Variants in CLDN1 observed in about 807,000 individuals in gnomAD.
CLDN1 encodes the protein claudin 1.
Under a neutral mutation model 22.6 loss-of-function variants are expected in CLDN1, and 12 were observed. The observed-to-expected ratio is 0.53, with a 90% CI of 0.34 to 0.86. The LOEUF (loss-of-function observed/expected upper bound fraction) is 0.86. CLDN1 is among the 40% of genes least tolerant of loss of function. The pLI, the probability that CLDN1 is intolerant of heterozygous loss-of-function variation, is 0.02. For synonymous variants in CLDN1, 99 were observed against 103.8 expected, an observed-to-expected ratio of 0.95 and a Z score of 0.28; for missense variants, 250 against 269.5, an observed-to-expected ratio of 0.93 and a Z score of 0.51.
chr3:190,312,889 G>A lies in CLDN1; in HGVS notation c.371C>T (p.Ala124Val), dbSNP rs373516096. The change falls in exon 2 of 4, where the codon GCG (alanine) becomes GTG (valine). Residue 124 changes from alanine to valine, a missense_variant. Transcript: ENST00000295522. ...QKMRMAVIGG[A>V]IFLLAGLAIL... ...TCTATTACCTGCAAGAAGAAATATC[G>A]CACCCCCAATGACAGCCATCCTCAT... 1.2e-4 allele frequency: 201 copies of A among 1,614,036 alleles called. No individual in the cohort carries two copies. Among genetic ancestry groups the A allele is most frequent in the African/African-American group, 2.0e-4 (15 of 75,010 alleles).
At chr3:190,321,243 T>C (rs1016919317) in intron 1 of CLDN1, among the ~76,000 whole-genome samples, 2 of 152,212 alleles carry the variant, frequency 1.3e-5, no homozygotes, top group Admixed American at 6.5e-5. Context: ...GCAGGTTATT[T>C]AGAACCTTTC....
intron 1 of CLDN1, among the ~76,000 whole-genome samples, chr3:190,316,459 C>A (rs1477495501): frequency 1.3e-5 from 2 of 152,104 alleles, no homozygotes; most frequent in Non-Finnish European, 2.9e-5. Flanking sequence ...TAAAACAGCA[C>A]GAAAACTCAC....
Position 190,322,441 on chromosome 3 carries a change from TGA to T in CLDN1, c.-237_-236del, listed in dbSNP as rs1157664010. The T allele has an allele frequency of 1.8e-6, 1 of 569,182 alleles. No individual in the cohort carries two copies. The highest frequency in any genetic ancestry group is 1.9e-5 in the African/African-American group (1 of 53,110). The allele number at this position is 569,182 out of a possible 1,614,324, so 35.3% of individuals were successfully genotyped here. ...TGCGGTTGCTCCCAGGCTCGGGAACTGAGACGCAGAACCGCTGGGCGCCGCGA... is the reference window on the plus strand; with the variant it reads ...TGCGGTTGCTCCCAGGCTCGGGAACTGACGCAGAACCGCTGGGCGCCGCGA... On this transcript the variant is annotated 5_prime_UTR_variant, in exon 1 of 4. Coordinates refer to ENST00000295522, the MANE Select transcript of CLDN1 (RefSeq NM_021101.5).
At chr3:190,318,975 G>T (rs1391468316) in intron 1 of CLDN1, among the ~76,000 whole-genome samples, 1 of 152,086 alleles carries the variant, frequency 6.6e-6, no homozygotes, top group Non-Finnish European at 1.5e-5. Context: ...GAATCTCAGG[G>T]TTCGGTGAGA....
In CLDN1 at chr3:190,310,194, C is replaced by G; in HGVS notation, c.448G>C (p.Asp150His). 6.2e-7 allele frequency: 1 copy of G among 1,613,774 alleles called. No homozygotes were observed. Among genetic ancestry groups the G allele is most frequent in the Non-Finnish European group, 8.5e-7 (1 of 1,179,732 alleles). ...CTGGCATTGACTGGGGTCATAGGGTCATAGAATTCTTGAACGATTCTATTG... is the reference window on the plus strand; with the variant it reads ...CTGGCATTGACTGGGGTCATAGGGTGATAGAATTCTTGAACGATTCTATTG... The part of the protein sequence containing the change: ...YGNRIVQEFY[D>H]PMTPVNARYE... The change falls in exon 3 of 4, where the codon GAC becomes CAC. Residue 150 changes from aspartate (D) to histidine (H), a missense_variant. By Grantham distance (81) the Asp-to-His change is moderately conservative. Transcript: ENST00000295522.
intron 3 of CLDN1, 149 bp downstream of exon 3, chr3:190,310,020 A>G (rs1221766450): frequency 1.4e-5 from 10 of 702,276 alleles, no homozygotes; most frequent in Non-Finnish European, 2.3e-5. Context: ...TCATTTTGAC[A>G]TAAGTCAGAG....
At chr3:190,321,094 G>C (rs558033917) in intron 1 of CLDN1, among the ~76,000 whole-genome samples, 2 of 152,286 alleles carry the variant, frequency 1.3e-5, no homozygotes, top group South Asian at 4.1e-4. Context: ...CTTTGTGGAA[G>C]ATGGAAACCT....
At chr3:190,321,249 C>G (rs1577393123) in intron 1 of CLDN1, among the ~76,000 whole-genome samples, 1 of 152,092 alleles carries the variant, frequency 6.6e-6, no homozygotes, top group Non-Finnish European at 1.5e-5. Flanking sequence ...TATTTAGAAC[C>G]TTTCTTGTCA....
chr3:190,308,420 G>A lies in CLDN1; in HGVS notation c.493C>T (p.Leu165Phe). 3 of 1,613,676 alleles carry A rather than the reference G, an allele frequency of 1.9e-6. No homozygotes were observed. The highest frequency in any genetic ancestry group is 2.5e-6 in the Non-Finnish European group (3 of 1,179,768). Residue 165 changes from leucine (L) to phenylalanine (F), a missense_variant, in exon 4 of 4, where the codon CTC becomes TTC. Transcript: ENST00000295522. ...GAAGCAGCAGCCCAGCCAGTGAAGA[G>A]AGCCTGACCAAATTCGTACCTAAAA... Reference protein sequence around the residue: ...VNARYEFGQALFTGWAAASLC... With the variant: ...VNARYEFGQAFFTGWAAASLC...
chr3:190,320,585 G>A (rs540283965), intron 1 of CLDN1, among the ~76,000 whole-genome samples: 1 of 152,298 alleles, frequency 6.6e-6, no homozygotes, highest in African/African-American at 2.4e-5. Context: ...CATGCACATT[G>A]ACTGAGCAAA....
chr3:190,316,439 A>G (rs1487185843), intron 1 of CLDN1, among the ~76,000 whole-genome samples: 2 of 152,248 alleles, frequency 1.3e-5, no homozygotes, highest in South Asian at 4.1e-4. Context: ...ACGCACAAAA[A>G]GCTGAGAATT....
Position 190,313,116 on chromosome 3 carries a change from A to G in CLDN1, c.224-80T>C. 2.6e-6 allele frequency: 4 copies of G among 1,521,054 alleles called. No individual in the cohort carries two copies. In the South Asian group the frequency reaches 3.4e-5, roughly 13 times the overall value. The allele number at this position is 1,521,054 out of a possible 1,614,324, so 94.2% of individuals were successfully genotyped here. A position where few individuals can be genotyped will look rare whatever the true frequency, so the allele number is the denominator to read the frequency against. ...AATGGAAGAAGACCAAGTATATGTCACTGTTGTATGGAAGAGAGAAAACTG... is the reference window on the plus strand; with the variant it reads ...AATGGAAGAAGACCAAGTATATGTCGCTGTTGTATGGAAGAGAGAAAACTG... On this transcript the variant is annotated intron_variant, in intron 1 of 3. Transcript: ENST00000295522.
At position 190,306,767 on chromosome 3, in the gene CLDN1, A is replaced by G. The variant is rs1716465275; in HGVS notation, c.*1510T>C. The G allele has an allele frequency of 6.5e-6, 1 of 152,816 alleles. No individual in the cohort carries two copies. Among genetic ancestry groups the G allele is most frequent in the Non-Finnish European group, 1.5e-5 (1 of 68,154 alleles). The allele number at this position is 152,816 out of a possible 1,614,324, so 9.5% of individuals were successfully genotyped here. ...AGTTGTTAAAATGGAACAGAGCACA[A>G]ACATGTCAGACACAGCTGAAAGAAT... On this transcript the variant is annotated 3_prime_UTR_variant, in exon 4 of 4. Coordinates refer to ENST00000295522, the MANE Select transcript of CLDN1 (RefSeq NM_021101.5).
At chr3:190,310,074 C>A in intron 3 of CLDN1, 95 bp downstream of exon 3, 1 of 1,010,282 alleles carries the variant, frequency 9.9e-7, no homozygotes, top group African/African-American at 1.6e-5. Context: ...TTCTTGAAAG[C>A]AAATCTGGGA....
intron 3 of CLDN1, among the ~76,000 whole-genome samples, chr3:190,308,756 T>C (rs1214475328): frequency 1.3e-5 from 2 of 152,184 alleles, no homozygotes; most frequent in African/African-American, 4.8e-5. Flanking sequence ...AGGGTTTGGA[T>C]CATGGTTCCT....
chr3:190,309,032 C>T (rs1716537141), intron 3 of CLDN1, among the ~76,000 whole-genome samples: 1 of 152,002 alleles, frequency 6.6e-6, no homozygotes, highest in Non-Finnish European at 1.5e-5. Context: ...ATGGACAATA[C>T]GGAAGAGTAG....
chr3:190,320,402 C>T (rs1377555943), intron 1 of CLDN1, among the ~76,000 whole-genome samples: 1 of 152,148 alleles, frequency 6.6e-6, no homozygotes, highest in Non-Finnish European at 1.5e-5. Context: ...ATATATTTAT[C>T]TTTCCATGGA....
chr3:190,320,403 T>C (rs1174752675), intron 1 of CLDN1, among the ~76,000 whole-genome samples: 1 of 152,212 alleles, frequency 6.6e-6, no homozygotes, highest in Non-Finnish European at 1.5e-5. Flanking sequence ...TATATTTATC[T>C]TTCCATGGAG....
At chr3:190,310,088 G>T in intron 3 of CLDN1, 81 bp downstream of exon 3, 1 of 1,117,416 alleles carries the variant, frequency 8.9e-7, no homozygotes, top group Non-Finnish European at 1.4e-6. Context: ...TCTGGGAAAT[G>T]ATGGCACTAG....
Sources: gnomAD v4.1 joint callset for allele counts (sites outside exome capture counted in the v4.1 genomes callset) on GRCh38, gnomAD v4.1.1 for gene constraint, MANE v1.5 for transcripts, NCBI Gene and HGNC (gene_info 2026-07-23, HGNC 2026-07-21) for gene names.